The following P2RX5 variants were observed in gnomAD, a reference collection of about 807,000 sequenced individuals.
P2RX5 encodes P2X purinoceptor 5.
In P2RX5, 46 loss-of-function variants were observed where a neutral mutation model predicts 54.1. The observed-to-expected ratio is 0.85, with a 90% CI of 0.67 to 1.09. The LOEUF is 1.09. Ranked by LOEUF, P2RX5 falls within the 50% of genes least tolerant of loss-of-function variation. P2RX5 has a pLI of 0.00. For synonymous variants in P2RX5, 226 were observed against 226.4 expected (o/e 1.00, Z 0.02); for missense variants, 566 against 549.8 (o/e 1.03, Z -0.29).
At chr17:3,722,181 G>C in the P2RX5 span, among the ~76,000 whole-genome samples, 2 of 143,192 alleles carry the variant, frequency 1.4e-5, no homozygotes, top group South Asian at 4.5e-4. Flanking sequence ...AGAAAGAAAA[G>C]AAAAGAAAAG....
chr17:3,699,853 A>AAAAGAAAGAAAGAAAGAAAG (rs752465811), upstream of P2RX5, among the ~76,000 whole-genome samples: 48 of 80,874 alleles, frequency 5.9e-4, 1 homozygote, highest in East Asian at 1.1e-3. Context: ...AGAAAAAGAA[A>AAAAGAAAGAAAGAAAGAAAG]AAAGAAAGAA....
the P2RX5 span, among the ~76,000 whole-genome samples, chr17:3,715,507 G>A: frequency 6.6e-6 from 1 of 152,166 alleles, no homozygotes; most frequent in African/African-American, 2.4e-5. Flanking sequence ...GACAAGAAAA[G>A]CAGCCTACGC....
chr17:3,723,563 G>C, the P2RX5 span: 8 of 1,114,736 alleles, frequency 7.2e-6, no homozygotes, highest in East Asian at 2.1e-4. Context: ...GACGAAGCTA[G>C]GGAGGGCCTG....
upstream of P2RX5, among the ~76,000 whole-genome samples, chr17:3,698,239 C>T (rs1206877286): frequency 1.3e-5 from 2 of 152,064 alleles, no homozygotes; most frequent in African/African-American, 2.4e-5. Flanking sequence ...GTCACCCTGA[C>T]AGTGCTGCTC....
At position 3,673,853 on chromosome 17, in the gene P2RX5, G is replaced by C. The variant is rs548350401; in HGVS notation, c.*15C>G. On this transcript the variant is annotated 3_prime_UTR_variant, in exon 12 of 12. Coordinates refer to ENST00000225328, the MANE Select transcript of P2RX5 (RefSeq NM_002561.4). ...GCTGGGTTTAGGACAGGGCCTGAAC[G>C]TAAGCAGAGGCAATTCACGTGCTCC... is the stretch of plus-strand genomic sequence containing the variant. 1.2e-6 allele frequency: 2 copies of C among 1,613,020 alleles called. No individual in the cohort carries two copies. The highest frequency in any genetic ancestry group is 1.3e-5 in the African/African-American group (1 of 75,022).
At chr17:3,712,833 C>T in the P2RX5 span, among the ~76,000 whole-genome samples, 1 of 152,100 alleles carries the variant, frequency 6.6e-6, no homozygotes, top group African/African-American at 2.4e-5. Context: ...GTCCCAGCTA[C>T]TCGGGAGGGT....
the P2RX5 span, chr17:3,720,296 C>A: frequency 2.1e-6 from 3 of 1,415,552 alleles, no homozygotes; most frequent in Non-Finnish European, 3.0e-6. Flanking sequence ...CAGAAGCCAG[C>A]CAGGAATTAC....
chr17:3,674,652 G>T (rs2050060314), intron 11 of P2RX5, among the ~76,000 whole-genome samples: 1 of 152,224 alleles, frequency 6.6e-6, no homozygotes, highest in African/African-American at 2.4e-5. Flanking sequence ...CACCAAACCT[G>T]GCTCCTGTCT....
At chr17:3,677,657 G>A (rs918915843) in intron 11 of P2RX5, 7 of 985,346 alleles carry the variant, frequency 7.1e-6, no homozygotes, top group Non-Finnish European at 8.4e-6. Flanking sequence ...TGGCTTTGGA[G>A]GAATTACACG....
chr17:3,696,631 G>A (rs2050764566), upstream of P2RX5, among the ~76,000 whole-genome samples: 1 of 151,962 alleles, frequency 6.6e-6, no homozygotes, highest in African/African-American at 2.4e-5. Context: ...GTAGAGACGG[G>A]GTTTCACCAT....
chr17:3,716,777 C>A, the P2RX5 span: 1 of 1,602,578 alleles, frequency 6.2e-7, no homozygotes, highest in Non-Finnish European at 8.6e-7. Flanking sequence ...TACTTCTCAT[C>A]TTTCAGGAAG....
At chr17:3,690,712 G>A (rs1238059973) in intron 3 of P2RX5, 32 bp from the exon 4 acceptor site, 1 of 1,607,898 alleles carries the variant, frequency 6.2e-7, no homozygotes, top group South Asian at 1.1e-5. Context: ...CTGGATGGGG[G>A]GGTTCCCCCA....
chr17:3,716,219 C>T, the P2RX5 span, among the ~76,000 whole-genome samples: 1 of 105,604 alleles, frequency 9.5e-6, no homozygotes, highest in African/African-American at 4.3e-5. Context: ...AGACGGGTAG[C>T]GGACAGAGAG....
intron 9 of P2RX5, chr17:3,682,537 C>T (rs552995518): frequency 4.0e-4 from 71 of 178,578 alleles, no homozygotes; most frequent in African/African-American, 1.4e-3. Flanking sequence ...GAGGGAGATG[C>T]GCTTCTGGAG....
chr17:3,674,220 G>A (rs904383987), intron 11 of P2RX5, among the ~76,000 whole-genome samples: 26 of 152,216 alleles, frequency 1.7e-4, no homozygotes, highest in African/African-American at 5.5e-4. Context: ...CTCAGGCAGG[G>A]GAATGGCGTG....
At chr17:3,718,623 G>A in the P2RX5 span, among the ~76,000 whole-genome samples, 664 of 152,338 alleles carry the variant, frequency 4.4e-3, 8 homozygotes, top group African/African-American at 0.015. Context: ...TTAACACTTT[G>A]CTTAGGATAT....
At chr17:3,678,505 G>C (rs988917705) in intron 11 of P2RX5, among the ~76,000 whole-genome samples, 1 of 152,228 alleles carries the variant, frequency 6.6e-6, no homozygotes, top group Non-Finnish European at 1.5e-5. Flanking sequence ...AGCTCAGGGA[G>C]CACAGGAGGG....
At chr17:3,722,162 C>T in the P2RX5 span, among the ~76,000 whole-genome samples, 661 of 141,868 alleles carry the variant, frequency 4.7e-3, 9 homozygotes, top group African/African-American at 0.017. Flanking sequence ...AGCGAAACTC[C>T]GTCTTGAAAG....
the P2RX5 span, among the ~76,000 whole-genome samples, chr17:3,704,477 C>A: frequency 1.3e-5 from 2 of 152,294 alleles, no homozygotes; most frequent in Admixed American, 6.5e-5. Context: ...CATTACTGAT[C>A]CACTTAAATG....
Sources: allele counts gnomAD v4.1 joint callset (sites outside exome capture counted in the v4.1 genomes callset), GRCh38; gene constraint gnomAD v4.1.1; transcripts MANE v1.5; gene names NCBI Gene and HGNC (gene_info 2026-07-23, HGNC 2026-07-21).